The following EPHA5 variants were observed in gnomAD, a reference collection of about 807,000 sequenced individuals.
The protein encoded by EPHA5 is EPH receptor A5.
In EPHA5, 60 loss-of-function variants were observed where a neutral mutation model predicts 105.0. That is an observed-to-expected ratio of 0.57 (90% CI 0.46 to 0.71). The LOEUF (loss-of-function observed/expected upper bound fraction) is 0.71. Among genes scored for constraint, EPHA5 ranks in the 30% least tolerant of loss-of-function variants. The pLI is 0.00. For synonymous variants in EPHA5, 513 were observed against 449.1 expected, an observed-to-expected ratio of 1.14 and a Z score of -1.80; for missense variants, 1,218 against 1,274.7, an observed-to-expected ratio of 0.96 and a Z score of 0.68.
intron 6 of EPHA5, among the ~76,000 whole-genome samples, chr4:65,418,554 T>C (rs1213820710): frequency 2.0e-5 from 3 of 152,210 alleles, no homozygotes; most frequent in Admixed American, 6.5e-5. Context: ...TTTTGAAGTA[T>C]GTGTCATCAT....
At chr4:65,452,602 C>T (rs1461073333) in intron 5 of EPHA5, among the ~76,000 whole-genome samples, 2 of 146,346 alleles carry the variant, frequency 1.4e-5, no homozygotes, top group Admixed American at 6.8e-5. Flanking sequence ...AAAAGACAAA[C>T]ATCCTATGGC....
At chr4:65,516,411 A>G (rs1316889129) in intron 3 of EPHA5, among the ~76,000 whole-genome samples, 1 of 144,682 alleles carries the variant, frequency 6.9e-6, no homozygotes, top group Non-Finnish European at 1.5e-5. Flanking sequence ...GAGTAGGCTG[A>G]GAAGGATGAA....
At chr4:65,618,177 A>G (rs754992616) in intron 2 of EPHA5, among the ~76,000 whole-genome samples, 37 of 152,164 alleles carry the variant, frequency 2.4e-4, no homozygotes, top group South Asian at 4.1e-4. Flanking sequence ...AAGAGCCCCA[A>G]TGACCTCAGT....
chr4:65,355,023 A>G (rs1030195682), intron 11 of EPHA5, among the ~76,000 whole-genome samples: 1 of 151,786 alleles, frequency 6.6e-6, no homozygotes, highest in Non-Finnish European at 1.5e-5. Context: ...GTAGATGCCT[A>G]TGTTAGGTGA....
intron 8 of EPHA5, among the ~76,000 whole-genome samples, chr4:65,386,542 A>T (rs1275722496): frequency 1.3e-5 from 2 of 151,982 alleles, no homozygotes; most frequent in Non-Finnish European, 2.9e-5. Context: ...ATGCACACAC[A>T]GAGGCACACA....
Position 65,322,274 on chromosome 4 carries a change from A to G in EPHA5, c.*1840T>C, listed in dbSNP as rs371395978. The stretch of plus-strand genomic sequence containing the variant: ...AAAAGAGGTACTTTACTGCTTAAGT[A>G]AAGGGTGGGCAGAATAGGAAGTAGT... On this transcript the variant is annotated 3_prime_UTR_variant, in exon 17 of 17. Coordinates refer to ENST00000613740, the MANE Select transcript of EPHA5 (RefSeq NM_001281766.3). 3.7e-4 allele frequency: 83 copies of G among 223,696 alleles called. No individual in the cohort carries two copies. The South Asian group carries it at 0.014, about 39-fold the overall frequency. 13.9% of individuals were successfully genotyped at this position (223,696 alleles called of 1,614,324 possible).
chr4:65,653,817 T>C lies in EPHA5; in HGVS notation c.182-10390A>G, dbSNP rs76390109. On this transcript the variant is annotated intron_variant, in intron 1 of 16. Coordinates refer to ENST00000613740, the MANE Select transcript of EPHA5 (RefSeq NM_001281766.3). Reference sequence around the variant, plus strand: ...TGTGATATTGTGGCAGACGTTGTTTTATGCTTATTAATTACTCATATCCTT... The same window carrying C: ...TGTGATATTGTGGCAGACGTTGTTTCATGCTTATTAATTACTCATATCCTT... 3.0e-4 allele frequency among the ~76,000 whole-genome samples: 45 copies of C among 152,274 alleles called. No individual in the cohort carries two copies. In the East Asian group the frequency reaches 6.9e-3, roughly 23 times the overall value.
At chr4:65,574,871 A>T (rs1026685066) in intron 3 of EPHA5, among the ~76,000 whole-genome samples, 1 of 151,092 alleles carries the variant, frequency 6.6e-6, no homozygotes, top group African/African-American at 2.4e-5. Context: ...GCAACTTCAA[A>T]TGGGCTCTCT....
At chr4:65,505,267 A>G (rs1732893135) in intron 3 of EPHA5, among the ~76,000 whole-genome samples, 1 of 152,050 alleles carries the variant, frequency 6.6e-6, no homozygotes, top group African/African-American at 2.4e-5. Context: ...CTTCTACTTC[A>G]TAGAAAAAAG....
At chr4:65,439,884 A>G (rs1725847882) in intron 5 of EPHA5, among the ~76,000 whole-genome samples, 1 of 152,154 alleles carries the variant, frequency 6.6e-6, no homozygotes. Flanking sequence ...ATTTTTAAAA[A>G]GCAAAAAAAA....
chr4:65,488,250 A>T (rs954761764), intron 5 of EPHA5, among the ~76,000 whole-genome samples: 1 of 152,186 alleles, frequency 6.6e-6, no homozygotes, highest in African/African-American at 2.4e-5. Context: ...ATACATCATT[A>T]AAAAATAAAC....
At chr4:65,495,309 G>T (rs1731812917) in intron 4 of EPHA5, 79 bp downstream of exon 4, 1 of 1,400,012 alleles carries the variant, frequency 7.1e-7, no homozygotes, top group Non-Finnish European at 9.8e-7. Flanking sequence ...AATGTTACTA[G>T]ACTATAACAG....
At chr4:65,405,284 C>T (rs367588104) in intron 7 of EPHA5, among the ~76,000 whole-genome samples, 13 of 6,626 alleles carry the variant, frequency 2.0e-3, no homozygotes, top group South Asian at 0.056. Flanking sequence ...AAATAAAACG[C>T]CTTATAGGGC....
At chr4:65,440,706 G>A (rs887406655) in intron 5 of EPHA5, among the ~76,000 whole-genome samples, 1 of 152,022 alleles carries the variant, frequency 6.6e-6, no homozygotes, top group East Asian at 1.9e-4. Context: ...AGCAAGCAGG[G>A]GGCCTTTGAG....
intron 2 of EPHA5, among the ~76,000 whole-genome samples, chr4:65,612,859 C>T (rs1330853039): frequency 1.3e-5 from 2 of 151,968 alleles, no homozygotes; most frequent in African/African-American, 4.8e-5. Flanking sequence ...ATTTATTTTG[C>T]TGTGCTGAAG....
intron 8 of EPHA5, among the ~76,000 whole-genome samples, chr4:65,393,131 G>A (rs1720885460): frequency 6.6e-6 from 1 of 152,136 alleles, no homozygotes; most frequent in Admixed American, 6.6e-5. Flanking sequence ...TAAATATTGA[G>A]AGATAATATG....
chr4:65,378,749 G>T (rs1194013205), intron 8 of EPHA5, among the ~76,000 whole-genome samples: 1 of 151,764 alleles, frequency 6.6e-6, no homozygotes, highest in Middle Eastern at 3.2e-3. Context: ...TTTCTGAGAT[G>T]AGAATGACTG....
At chr4:65,450,103 T>A (rs1186867793) in intron 5 of EPHA5, among the ~76,000 whole-genome samples, 1 of 152,196 alleles carries the variant, frequency 6.6e-6, no homozygotes, top group East Asian at 1.9e-4. Context: ...ATTACGTTTT[T>A]AAATATTTTT....
rs1428232687 is a variant in EPHA5, at chr4:65,372,062, G to A, written c.1794-4638C>T. On this transcript the variant is annotated intron_variant, in intron 8 of 16. Transcript: ENST00000613740. ...AGAAAAAATAAACACTCTTAATTTA[G>A]CCTCGTTTAAAGCCACATTTCTTCA... Among the ~76,000 whole-genome samples the A allele has an allele frequency of 3.3e-5, 5 of 151,806 alleles. No individual in the cohort carries two copies. In the East Asian group the frequency reaches 9.7e-4, roughly 29 times the overall value.
Sources: gnomAD v4.1 joint callset for allele counts (sites outside exome capture counted in the v4.1 genomes callset) on GRCh38, gnomAD v4.1.1 for gene constraint, MANE v1.5 for transcripts, NCBI Gene and HGNC (gene_info 2026-07-23, HGNC 2026-07-21) for gene names.